Variants in CHRM3 observed in about 807,000 individuals in gnomAD.
CHRM3 encodes the protein cholinergic receptor muscarinic 3, also known as muscarinic acetylcholine receptor M3.
Under a neutral mutation model 41.8 loss-of-function variants are expected in CHRM3, and 11 were observed. That is an observed-to-expected ratio of 0.26 (90% CI 0.17 to 0.44). The LOEUF (loss-of-function observed/expected upper bound fraction) is 0.44, where lower values mean the gene tolerates loss of function less well. Among genes scored for constraint, CHRM3 ranks in the 20% least tolerant of loss-of-function variants. The pLI is 1.00. For missense variants in CHRM3, 571 were observed against 745.4 expected (o/e 0.77, Z 2.72); for synonymous variants, 297 against 301.4 (o/e 0.99, Z 0.15).
chr1:239,650,659 T>C (rs1672152717), intron 4 of CHRM3, among the ~76,000 whole-genome samples: 1 of 152,162 alleles, frequency 6.6e-6, no homozygotes, highest in Non-Finnish European at 1.5e-5. Context: ...AGATGATAAA[T>C]TTAATAAAAA....
intron 3 of CHRM3, among the ~76,000 whole-genome samples, chr1:239,611,062 A>T (rs1401865719): frequency 6.6e-6 from 1 of 151,346 alleles, no homozygotes; most frequent in African/African-American, 2.4e-5. Flanking sequence ...AAATAATAAT[A>T]AAAAAAAAGA....
intron 3 of CHRM3, among the ~76,000 whole-genome samples, chr1:239,601,896 C>T (rs999027965): frequency 4.0e-5 from 6 of 151,738 alleles, no homozygotes; most frequent in East Asian, 1.9e-4. Context: ...TTTAAAGCTT[C>T]GATACTGCCT....
At chr1:239,874,324 T>TATATATATATATATATATATATAC (rs1558199394) in intron 6 of CHRM3, among the ~76,000 whole-genome samples, 1 of 118,570 alleles carries the variant, frequency 8.4e-6, no homozygotes. Flanking sequence ...TATATATATA[T>TATATATATATATATATATATATAC]ATACACAGTT....
At chr1:239,901,074 G>A (rs1679512902) in intron 6 of CHRM3, among the ~76,000 whole-genome samples, 1 of 152,148 alleles carries the variant, frequency 6.6e-6, no homozygotes, top group Non-Finnish European at 1.5e-5. Context: ...CAGGTCATCG[G>A]TGCTTCTGCC....
chr1:239,813,685 A>T (rs1262210035), intron 5 of CHRM3, among the ~76,000 whole-genome samples: 1 of 148,370 alleles, frequency 6.7e-6, no homozygotes, highest in Non-Finnish European at 1.5e-5. Context: ...TGGGAGGCCG[A>T]GGCGGGCGGA....
intron 6 of CHRM3, among the ~76,000 whole-genome samples, chr1:239,889,236 A>G (rs1460661096): frequency 6.6e-6 from 1 of 152,146 alleles, no homozygotes; most frequent in Non-Finnish European, 1.5e-5. Flanking sequence ...GATTGGTTGG[A>G]TCAGGTGTAC....
chr1:239,528,992 C>T (rs1042747787), intron 2 of CHRM3, among the ~76,000 whole-genome samples: 1 of 152,178 alleles, frequency 6.6e-6, no homozygotes, highest in Admixed American at 6.5e-5. Context: ...ATATTCTTCT[C>T]ATTCAGGCTT....
intron 1 of CHRM3, among the ~76,000 whole-genome samples, chr1:239,397,255 A>G (rs1659564177): frequency 6.6e-6 from 1 of 152,232 alleles, no homozygotes; most frequent in African/African-American, 2.4e-5. Context: ...ATTTTGCTCC[A>G]TAAAGAATAG....
At chr1:239,469,147 T>C (rs1389756282) in intron 1 of CHRM3, among the ~76,000 whole-genome samples, 1 of 152,168 alleles carries the variant, frequency 6.6e-6, no homozygotes, top group Non-Finnish European at 1.5e-5. Context: ...TCAACCTGGG[T>C]CTCGGATCTA....
In CHRM3 at chr1:239,907,469, C is replaced by T; in HGVS notation, c.18C>T (p.Asn6=). The change falls in exon 7 of 7, where the codon AAC becomes AAT. Residue 6 remains asparagine, a synonymous_variant. Transcript: ENST00000676153. This position sits in a 1 kb window ranked among gnomAD's most constrained non-coding sequence, Gnocchi z 5.4. ...GAGTCACAATGACCTTGCACAATAA[C>T]AGTACAACCTCGCCTTTGTTTCCAA... MTLHN[N]STTSPLFPNI... is the part of the protein sequence containing the mutation. The T allele has an allele frequency of 6.2e-7, 1 of 1,613,796 alleles. No homozygotes were observed. Among genetic ancestry groups the T allele is most frequent in the Non-Finnish European group, 8.5e-7 (1 of 1,179,794 alleles).
chr1:239,568,598 C>G (rs903910749), intron 3 of CHRM3, among the ~76,000 whole-genome samples: 26 of 152,048 alleles, frequency 1.7e-4, no homozygotes, highest in African/African-American at 5.1e-4. Context: ...TCTGCTTCAC[C>G]CTACCTTCCC....
At chr1:239,837,150 A>G (rs1181011881) in intron 6 of CHRM3, among the ~76,000 whole-genome samples, 2 of 152,202 alleles carry the variant, frequency 1.3e-5, no homozygotes, top group Non-Finnish European at 2.9e-5. Flanking sequence ...TAGCTAAACC[A>G]TGACAGAAAT....
intron 5 of CHRM3, among the ~76,000 whole-genome samples, chr1:239,717,143 G>A (rs965060039): frequency 5.3e-5 from 8 of 151,820 alleles, no homozygotes; most frequent in African/African-American, 1.2e-4. Flanking sequence ...CTTCTCTAAC[G>A]GTGTTCTTGG....
intron 1 of CHRM3, among the ~76,000 whole-genome samples, chr1:239,481,763 G>C (rs1666869522): frequency 6.6e-6 from 1 of 152,084 alleles, no homozygotes; most frequent in African/African-American, 2.4e-5. Flanking sequence ...TGGGATACAA[G>C]GTATATCACT....
intron 3 of CHRM3, among the ~76,000 whole-genome samples, chr1:239,582,491 T>C (rs1161085713): frequency 6.6e-6 from 1 of 152,112 alleles, no homozygotes; most frequent in Admixed American, 6.6e-5. Flanking sequence ...GTGGCTTCAG[T>C]TGGCAGCCCC....
intron 4 of CHRM3, among the ~76,000 whole-genome samples, chr1:239,640,806 A>G (rs1671048191): frequency 6.7e-6 from 1 of 148,670 alleles, no homozygotes; most frequent in Non-Finnish European, 1.5e-5. Flanking sequence ...GCCTTCTGCT[A>G]GCTTTTGAAT....
chr1:239,757,806 T>TTA (rs1162881152), intron 5 of CHRM3, among the ~76,000 whole-genome samples: 1 of 152,218 alleles, frequency 6.6e-6, no homozygotes, highest in East Asian at 1.9e-4. Context: ...TGAATGTTAA[T>TTA]GCATTCTGTT....
intron 4 of CHRM3, among the ~76,000 whole-genome samples, chr1:239,654,350 G>A (rs1274508341): frequency 1.3e-5 from 2 of 152,118 alleles, no homozygotes; most frequent in Non-Finnish European, 2.9e-5. Flanking sequence ...CAATTTTGAG[G>A]GACCTTGACG....
intron 1 of CHRM3, among the ~76,000 whole-genome samples, chr1:239,402,424 C>T (rs552342654): frequency 6.6e-6 from 1 of 152,336 alleles, no homozygotes; most frequent in Admixed American, 6.5e-5. Flanking sequence ...GCTCCAATAG[C>T]CTCTAACTTG....
Sources: allele counts gnomAD v4.1 joint callset (sites outside exome capture counted in the v4.1 genomes callset), GRCh38; gene constraint gnomAD v4.1.1; non-coding constraint Gnocchi (gnomAD v3.1); transcripts MANE v1.5; gene names NCBI Gene and HGNC (gene_info 2026-07-23, HGNC 2026-07-21).